Variants in IL1RAPL1 observed in about 807,000 individuals in gnomAD.
IL1RAPL1 encodes interleukin-1 receptor accessory protein-like 1.
In IL1RAPL1, 3 loss-of-function variants were observed where a neutral mutation model predicts 48.4. The ratio of observed to expected loss-of-function variants is 0.06; its 90% CI spans 0.03 to 0.16. The LOEUF (loss-of-function observed/expected upper bound fraction) is 0.16. Among genes scored for constraint, IL1RAPL1 ranks in the 10% least tolerant of loss-of-function variants. The pLI is 1.00. For missense variants in IL1RAPL1, 349 were observed against 530.6 expected, an observed-to-expected ratio of 0.66 and a Z score of 3.36; for synonymous variants, 185 against 187.7, an observed-to-expected ratio of 0.99 and a Z score of 0.12.
chrX:29,619,281 A>G (rs891706006), intron 5 of IL1RAPL1, among the ~76,000 whole-genome samples: 1 of 111,862 alleles, frequency 8.9e-6, no homozygotes, highest in African/African-American at 3.2e-5. Flanking sequence ...TAAATTTAGT[A>G]TATAATTACA....
chrX:29,581,434 T>C (rs142247735), intron 5 of IL1RAPL1, among the ~76,000 whole-genome samples: 2,537 of 111,919 alleles, frequency 0.023, 68 homozygotes, highest in African/African-American at 0.078. Context: ...ACTACCCAGT[T>C]GGCTTTTTCC....
chrX:28,680,785 T>A (rs1935051248), intron 1 of IL1RAPL1, among the ~76,000 whole-genome samples: 1 of 112,017 alleles, frequency 8.9e-6, no homozygotes, highest in African/African-American at 3.2e-5. Context: ...TGAATCATCC[T>A]TGAATCTAAG....
At chrX:28,621,209 A>G (rs1472576781) in intron 1 of IL1RAPL1, among the ~76,000 whole-genome samples, 1 of 112,257 alleles carries the variant, frequency 8.9e-6, no homozygotes, top group Admixed American at 9.5e-5. Flanking sequence ...AAAAGCTCGG[A>G]CACTATCTTT....
At chrX:28,967,608 G>C (rs1924951952) in intron 2 of IL1RAPL1, among the ~76,000 whole-genome samples, 1 of 111,176 alleles carries the variant, frequency 9.0e-6, no homozygotes, top group African/African-American at 3.3e-5. Flanking sequence ...CTATTCCCAT[G>C]ACCTTACTCA....
In IL1RAPL1 at chrX:28,625,918, A is replaced by G. The variant is rs780775623; in HGVS notation, c.-25+37871A>G. Among the ~76,000 whole-genome samples the G allele has an allele frequency of 1.6e-4, 18 of 112,353 alleles. No individual in the cohort carries two copies. In the Admixed American group the frequency reaches 1.6e-3, roughly 10 times the overall value. ...AACTATATTGGATAGAGAAATTGGG[A>G]TTATTTTCTTAGCTTTTAAGCCCAT... On this transcript the variant is annotated intron_variant, in intron 1 of 10. Coordinates refer to ENST00000378993, the MANE Select transcript of IL1RAPL1 (RefSeq NM_014271.4).
intron 5 of IL1RAPL1, among the ~76,000 whole-genome samples, chrX:29,526,528 A>G (rs1197505605): frequency 8.9e-6 from 1 of 112,023 alleles, no homozygotes; most frequent in African/African-American, 3.2e-5. Context: ...TAAATGGCAA[A>G]TGTAGCTCAA....
At chrX:29,157,478 C>T (rs1384171202) in intron 2 of IL1RAPL1, among the ~76,000 whole-genome samples, 1 of 111,622 alleles carries the variant, frequency 9.0e-6, no homozygotes, top group Admixed American at 9.6e-5. Context: ...TACAATTTCT[C>T]CTGATCAGTT....
chrX:28,652,790 G>A (rs929470180), intron 1 of IL1RAPL1, among the ~76,000 whole-genome samples: 3 of 104,169 alleles, frequency 2.9e-5, no homozygotes, highest in African/African-American at 1.1e-4. Flanking sequence ...ACTGTGACGT[G>A]ATTTTTTTTT....
intron 2 of IL1RAPL1, among the ~76,000 whole-genome samples, chrX:28,808,656 A>G (rs1936758069): frequency 9.0e-6 from 1 of 111,274 alleles, no homozygotes; most frequent in Non-Finnish European, 1.9e-5. Flanking sequence ...GAAAATATTA[A>G]TATGCTTTAA....
chrX:29,302,522 G>A (rs60068078), intron 3 of IL1RAPL1, among the ~76,000 whole-genome samples: 8,130 of 111,565 alleles, frequency 0.073, 758 homozygotes, highest in African/African-American at 0.25. Flanking sequence ...TATGGCTACA[G>A]TCATTATATA....
In IL1RAPL1 at chrX:29,122,409, T is replaced by TCTCACACACA. The variant is rs60632925; in HGVS notation, c.83-160528_83-160527insTCACACACAC. On this transcript the variant is annotated intron_variant, in intron 2 of 10. Transcript: ENST00000378993. ...CTCTCTCTCTCTTTCTCTCTCTCTC[T>TCTCACACACA]CACACACACACACACACACACACAC... Among the ~76,000 whole-genome samples the TCTCACACACA allele has an allele frequency of 7.9e-3, 509 of 64,576 alleles. 11 individuals carry two copies. Among genetic ancestry groups the TCTCACACACA allele is most frequent in the African/African-American group, 0.032 (404 of 12,815 alleles). 56.1% of individuals were successfully genotyped at this position (64,576 alleles called of 115,157 possible).
chrX:29,879,410 TA>T (rs1429334191), intron 6 of IL1RAPL1, among the ~76,000 whole-genome samples: 9 of 105,225 alleles, frequency 8.6e-5, no homozygotes, highest in Non-Finnish European at 1.4e-4. Context: ...TATATATATA[TA>T]ATATTTGTGT....
At chrX:29,294,452 C>T (rs1206621437) in intron 3 of IL1RAPL1, among the ~76,000 whole-genome samples, 1 of 106,359 alleles carries the variant, frequency 9.4e-6, no homozygotes, top group African/African-American at 3.4e-5. Flanking sequence ...GGCGTGAACC[C>T]GGGAGGCAGA....
chrX:29,768,528 C>T (rs764414950), intron 6 of IL1RAPL1, among the ~76,000 whole-genome samples: 1 of 111,528 alleles, frequency 9.0e-6, no homozygotes, highest in Admixed American at 9.5e-5. Flanking sequence ...GTGCCTGGTA[C>T]GTTACTGAGG....
chrX:29,627,084 G>C (rs1330139517), intron 5 of IL1RAPL1, among the ~76,000 whole-genome samples: 1 of 112,232 alleles, frequency 8.9e-6, no homozygotes, highest in Non-Finnish European at 1.9e-5. Context: ...CTGTGAGCCA[G>C]GCAACAGTGA....
At chrX:29,603,353 T>C (rs1332564927) in intron 5 of IL1RAPL1, among the ~76,000 whole-genome samples, 1 of 111,627 alleles carries the variant, frequency 9.0e-6, no homozygotes, top group Non-Finnish European at 1.9e-5. Context: ...TAAAATTATT[T>C]AAAGAGATTT....
At chrX:29,269,619 C>T (rs1278233254) in intron 2 of IL1RAPL1, among the ~76,000 whole-genome samples, 3 of 107,268 alleles carry the variant, frequency 2.8e-5, no homozygotes, top group South Asian at 8.0e-4. Context: ...TCAAGGCAAC[C>T]TTCTTTTTTT....
intron 5 of IL1RAPL1, among the ~76,000 whole-genome samples, chrX:29,542,770 C>T (rs761605665): frequency 2.7e-5 from 3 of 111,797 alleles, no homozygotes; most frequent in Non-Finnish European, 5.6e-5. Context: ...TATGATTATC[C>T]GATATTAAGA....
intron 5 of IL1RAPL1, among the ~76,000 whole-genome samples, chrX:29,632,365 G>A (rs1329094417): frequency 1.8e-5 from 2 of 109,866 alleles, no homozygotes; most frequent in Non-Finnish European, 3.8e-5. Context: ...TAGCCAGGAT[G>A]GTCTCGATCT....
Sources: allele counts gnomAD v4.1 joint callset (sites outside exome capture counted in the v4.1 genomes callset), GRCh38; gene constraint gnomAD v4.1.1; transcripts MANE v1.5; gene names NCBI Gene and HGNC (gene_info 2026-07-23, HGNC 2026-07-21).